ZRANB3: variants seen among roughly 807,000 people sequenced by gnomAD.
ZRANB3 encodes the protein DNA annealing helicase and endonuclease ZRANB3.
In ZRANB3, 125 loss-of-function variants were observed where a neutral mutation model predicts 133.8. That is an observed-to-expected ratio of 0.93 (90% confidence interval 0.81 to 1.08). The LOEUF is 1.08. Among genes scored for constraint, ZRANB3 ranks in the 50% least tolerant of loss-of-function variants. The probability of loss-of-function intolerance (pLI) is 0.00; values close to 1 mark genes in which losing one functional copy is unlikely to be tolerated. For synonymous variants in ZRANB3, 387 were observed against 432.7 expected (o/e 0.89, Z 1.31); for missense variants, 1,229 against 1,275.5 (o/e 0.96, Z 0.56).
chr2:135,501,244 C>G (rs1692928259), intron 2 of ZRANB3, among the ~76,000 whole-genome samples: 2 of 151,776 alleles, frequency 1.3e-5, no homozygotes, highest in African/African-American at 4.8e-5. Context: ...ATGAGTGTAC[C>G]CCACAGATTA....
At chr2:135,331,049 T>C (rs1180520755) in intron 6 of ZRANB3, among the ~76,000 whole-genome samples, 1 of 152,216 alleles carries the variant, frequency 6.6e-6, no homozygotes, top group African/African-American at 2.4e-5. Context: ...TTTGTGTCTC[T>C]ATCTCCTTCA....
chr2:135,394,185 A>G (rs1687373806), intron 2 of ZRANB3, among the ~76,000 whole-genome samples: 1 of 152,192 alleles, frequency 6.6e-6, no homozygotes, highest in Admixed American at 6.6e-5. Flanking sequence ...TACTCAGCCG[A>G]GATACCCCCG....
chr2:135,403,209 C>A (rs1452067323), intron 2 of ZRANB3, among the ~76,000 whole-genome samples: 1 of 152,176 alleles, frequency 6.6e-6, no homozygotes, highest in Non-Finnish European at 1.5e-5. Context: ...TCTAGTCAAA[C>A]AAAGGGGTGA....
chr2:135,337,161 C>T (rs187702030), intron 6 of ZRANB3, among the ~76,000 whole-genome samples: 8 of 152,276 alleles, frequency 5.3e-5, no homozygotes, highest in South Asian at 2.1e-4. Flanking sequence ...AATCTAAACC[C>T]GATACCCACC....
chr2:135,232,153 C>G (rs986528605), intron 12 of ZRANB3, among the ~76,000 whole-genome samples: 4 of 152,222 alleles, frequency 2.6e-5, no homozygotes, highest in South Asian at 4.1e-4. Flanking sequence ...TATCCCGCGC[C>G]TGGCTCAGAG....
intron 12 of ZRANB3, among the ~76,000 whole-genome samples, chr2:135,241,925 A>G (rs1470161935): frequency 2.6e-5 from 4 of 152,112 alleles, no homozygotes; most frequent in Non-Finnish European, 5.9e-5. Flanking sequence ...CACGCCTGTA[A>G]TCCCAGAACT....
At chr2:135,525,455 A>G (rs1166414789) in intron 1 of ZRANB3, among the ~76,000 whole-genome samples, 1 of 152,232 alleles carries the variant, frequency 6.6e-6, no homozygotes, top group East Asian at 1.9e-4. Flanking sequence ...TTCAAGGGAT[A>G]ATCAGGGAAG....
intron 2 of ZRANB3, among the ~76,000 whole-genome samples, chr2:135,410,713 T>C (rs555203395): frequency 1.4e-4 from 22 of 152,080 alleles, no homozygotes; most frequent in African/African-American, 4.8e-4. Context: ...TTGCAAACTA[T>C]GCAACTGAAA....
At chr2:135,316,714 T>C (rs1340400163) in intron 6 of ZRANB3, among the ~76,000 whole-genome samples, 1 of 152,088 alleles carries the variant, frequency 6.6e-6, no homozygotes, top group Non-Finnish European at 1.5e-5. Flanking sequence ...ACGCCCGTAA[T>C]CCCAGCACTT....
intron 6 of ZRANB3, among the ~76,000 whole-genome samples, chr2:135,324,924 G>T (rs1683736718): frequency 6.6e-6 from 1 of 152,068 alleles, no homozygotes; most frequent in Admixed American, 6.6e-5. Context: ...TGTTGATGGG[G>T]TTGTTTTTTT....
rs761637402 is a variant in ZRANB3 at position 135,217,456 on chromosome 2, A to C, written c.2495+9T>G. ...TATAATACAAAATTTAAAAAAAGAC[A>C]ACTCATACCTTTTGGTGCAATTTTG... On this transcript the variant is annotated intron_variant, in intron 17 of 20. Transcript: ENST00000264159. 5.7e-6 allele frequency: 9 copies of C among 1,590,954 alleles called. No homozygotes were observed. The South Asian group carries it at 1.1e-4, about 19-fold the overall frequency.
intron 12 of ZRANB3, among the ~76,000 whole-genome samples, chr2:135,250,712 G>GAACC: frequency 6.6e-6 from 1 of 152,348 alleles, no homozygotes; most frequent in East Asian, 1.9e-4. Flanking sequence ...GAGCCTGTGG[G>GAACC]TGCACAGAAG....
At chr2:135,456,908 C>A (rs1006504245) in intron 2 of ZRANB3, among the ~76,000 whole-genome samples, 2 of 152,112 alleles carry the variant, frequency 1.3e-5, no homozygotes, top group African/African-American at 4.8e-5. Context: ...GTAGGAGGGG[C>A]AGGATTGACA....
chr2:135,275,024 T>C (rs1680720453), intron 9 of ZRANB3, among the ~76,000 whole-genome samples: 1 of 152,270 alleles, frequency 6.6e-6, no homozygotes, highest in African/African-American at 2.4e-5. Context: ...TGTCTACTTC[T>C]TTCTACACAG....
intron 6 of ZRANB3, among the ~76,000 whole-genome samples, chr2:135,334,767 C>T (rs1380719585): frequency 7.2e-5 from 11 of 151,946 alleles, no homozygotes; most frequent in South Asian, 2.1e-4. Flanking sequence ...TGGTGGCGCG[C>T]GCCTGTAGTC....
intron 1 of ZRANB3, among the ~76,000 whole-genome samples, chr2:135,521,632 G>C (rs146133517): frequency 2.0e-5 from 3 of 152,268 alleles, no homozygotes; most frequent in Non-Finnish European, 4.4e-5. Flanking sequence ...TCACATCCAA[G>C]CCCAGGGGAA....
Position 135,265,576 on chromosome 2 carries a change from ATTTGG to A in ZRANB3, c.1492_1496del (p.Pro498Ter). ...CCTTCCTTAACTCTTCAGAACTGTC[ATTTGG>A]AGTCCAAGCTTCAGCAAACTGCAGG... On this transcript the variant is annotated frameshift_variant, in exon 12 of 21. Coordinates refer to ENST00000264159, the MANE Select transcript of ZRANB3 (RefSeq NM_032143.4). LOFTEE classifies it high-confidence loss of function. 6.2e-7 allele frequency: 1 copy of A among 1,613,740 alleles called. No homozygotes were observed. Among genetic ancestry groups the A allele is most frequent in the Non-Finnish European group, 8.5e-7 (1 of 1,179,804 alleles).
chr2:135,345,455 T>G, intron 6 of ZRANB3, 95 bp downstream of exon 6: 1 of 867,262 alleles, frequency 1.2e-6, no homozygotes, highest in Non-Finnish European at 1.8e-6. Flanking sequence ...GCGATGGGAG[T>G]GAGACTCTGT....
At chr2:135,370,087 GATAA>G (rs1186625788) in intron 3 of ZRANB3, among the ~76,000 whole-genome samples, 2 of 142,516 alleles carry the variant, frequency 1.4e-5, no homozygotes, top group African/African-American at 2.6e-5. Context: ...TACACATACA[GATAA>G]ATAGCTATAA....
Sources: gnomAD v4.1 joint callset for allele counts (sites outside exome capture counted in the v4.1 genomes callset) on GRCh38, gnomAD v4.1.1 for gene constraint, MANE v1.5 for transcripts, NCBI Gene and HGNC (gene_info 2026-07-23, HGNC 2026-07-21) for gene names.